BCKDHB: variants seen among roughly 807,000 people sequenced by gnomAD.
The protein encoded by BCKDHB is branched chain keto acid dehydrogenase E1 subunit beta.
In BCKDHB, 41 loss-of-function variants were observed where a neutral mutation model predicts 48.5. The ratio of observed to expected loss-of-function variants is 0.85; its 90% CI spans 0.66 to 1.10. The LOEUF (loss-of-function observed/expected upper bound fraction) is 1.10. Among genes scored for constraint, BCKDHB ranks in the 50% least tolerant of loss-of-function variants. The pLI, the probability that BCKDHB is intolerant of heterozygous loss-of-function variation, is 0.00. For missense variants in BCKDHB, 496 were observed against 494.2 expected (o/e 1.00, Z -0.03); for synonymous variants, 201 against 174.8 (o/e 1.15, Z -1.18).
chr6:80,443,240 C>T, the BCKDHB span: 3 of 152,106 alleles, frequency 2.0e-5, no homozygotes, highest in Non-Finnish European at 4.4e-5. Context: ...TACTCTCTTT[C>T]TATTAATATA....
intron 9 of BCKDHB, among the ~76,000 whole-genome samples, chr6:80,276,631 G>A (rs540311757): frequency 2.0e-5 from 3 of 151,574 alleles, no homozygotes; most frequent in South Asian, 2.1e-4. Context: ...CTCTTTCATC[G>A]TGCAAGGAAT....
intron 9 of BCKDHB, among the ~76,000 whole-genome samples, chr6:80,294,765 C>G (rs1767134841): frequency 6.6e-6 from 1 of 152,076 alleles, no homozygotes; most frequent in Non-Finnish European, 1.5e-5. Context: ...GCTCTCAAAC[C>G]CTGTTTTCTG....
intron 8 of BCKDHB, among the ~76,000 whole-genome samples, chr6:80,210,684 T>G (rs1404966065): frequency 6.6e-6 from 1 of 152,128 alleles, no homozygotes; most frequent in African/African-American, 2.4e-5. Context: ...AGAGAGAGCC[T>G]TGGTGTCCTT....
intron 8 of BCKDHB, among the ~76,000 whole-genome samples, chr6:80,206,933 T>C (rs1189172326): frequency 6.6e-6 from 1 of 152,082 alleles, no homozygotes; most frequent in Non-Finnish European, 1.5e-5. Flanking sequence ...GTATGCACAA[T>C]GGCATAACAT....
the BCKDHB span, among the ~76,000 whole-genome samples, chr6:80,399,267 A>G: frequency 8.0e-6 from 1 of 125,324 alleles, no homozygotes; most frequent in Admixed American, 7.1e-5. Flanking sequence ...ATCAGGCAAG[A>G]GAAAGAAAGA....
chr6:80,106,773 C>T lies in BCKDHB; in HGVS notation c.80C>T (p.Pro27Leu), dbSNP rs1477085925. The T allele has an allele frequency of 2.5e-6, 4 of 1,589,822 alleles. No homozygotes were observed. Among genetic ancestry groups the T allele is most frequent in the South Asian group, 1.1e-5 (1 of 88,000 alleles). The change falls in exon 1 of 10, where the codon CCT becomes CTT. Residue 27 changes from proline (P) to leucine (L), a missense_variant. By Grantham distance (98) the Pro-to-Leu change is moderately conservative. Coordinates refer to ENST00000320393, the MANE Select transcript of BCKDHB (RefSeq NM_183050.4). ...AGAEGHWRRL[P>L]GAGLARGFLH... ...GCTGAGGGGCACTGGCGTCGGCTTC[C>T]TGGCGCGGGGCTGGCGCGGGGCTTT...
chr6:80,126,566 C>T (rs530675352), intron 1 of BCKDHB, among the ~76,000 whole-genome samples: 1 of 152,218 alleles, frequency 6.6e-6, no homozygotes, highest in South Asian at 2.1e-4. Context: ...TTGTTATCAG[C>T]ATGCTGTGGG....
At chr6:80,452,115 G>A in the BCKDHB span, among the ~76,000 whole-genome samples, 1 of 152,192 alleles carries the variant, frequency 6.6e-6, no homozygotes, top group Non-Finnish European at 1.5e-5. Flanking sequence ...CAGTCTGGTG[G>A]CAGAGGGGAG....
At chr6:80,412,459 T>C in the BCKDHB span, among the ~76,000 whole-genome samples, 1 of 152,150 alleles carries the variant, frequency 6.6e-6, no homozygotes, top group African/African-American at 2.4e-5. Context: ...TAGTTTATAT[T>C]TTTTACACTA....
the BCKDHB span, among the ~76,000 whole-genome samples, chr6:80,445,740 C>G: frequency 6.6e-6 from 1 of 152,030 alleles, no homozygotes; most frequent in African/African-American, 2.4e-5. Flanking sequence ...TTAGAGATGT[C>G]GAGAGGAGGT....
chr6:80,130,770 G>T (rs1770587505), intron 3 of BCKDHB, among the ~76,000 whole-genome samples: 1 of 152,086 alleles, frequency 6.6e-6, no homozygotes, highest in Non-Finnish European at 1.5e-5. Context: ...ACACGTCTTG[G>T]TATATATACT....
intron 8 of BCKDHB, among the ~76,000 whole-genome samples, chr6:80,212,549 A>G (rs1004153102): frequency 6.6e-6 from 1 of 152,094 alleles, no homozygotes; most frequent in Non-Finnish European, 1.5e-5. Context: ...ATATTGTTCA[A>G]ACACACATGT....
Position 80,306,049 on chromosome 6 carries a change from C to G in BCKDHB, c.1038+32828C>G, listed in dbSNP as rs149840717. Among the ~76,000 whole-genome samples, 4 of 152,264 alleles carry G rather than the reference C, an allele frequency of 2.6e-5. No individual in the cohort carries two copies. In the East Asian group the frequency reaches 7.7e-4, roughly 29 times the overall value. On this transcript the variant is annotated intron_variant, in intron 9 of 9. Transcript: ENST00000320393. ...AAATAGCAGTACTTCTTCCATATGG[C>G]TATCGTGAAGATTAAGTGAATTAAT...
chr6:80,275,429 C>T (rs1298824845), intron 9 of BCKDHB, among the ~76,000 whole-genome samples: 1 of 151,932 alleles, frequency 6.6e-6, no homozygotes, highest in Non-Finnish European at 1.5e-5. Context: ...TGACTTGAGA[C>T]AATAGTGTAA....
At chr6:80,197,372 AG>A (rs897760267) in intron 6 of BCKDHB, among the ~76,000 whole-genome samples, 17 of 150,570 alleles carry the variant, frequency 1.1e-4, no homozygotes, top group Admixed American at 9.2e-4. Flanking sequence ...ATCTAAGAGG[AG>A]GTTTTTTTTT....
rs1167006109 is a variant in BCKDHB at position 80,322,275 on chromosome 6, G to T, written c.1039-21389G>T. ...TTTTTTGGTGACGGAGTCGCACTTT[G>T]TTGCCCAGGCTGGAGTGCAATGGCA... On this transcript the variant is annotated intron_variant, in intron 9 of 9. Transcript: ENST00000320393. 3.8e-4 allele frequency among the ~76,000 whole-genome samples: 38 copies of T among 100,034 alleles called. 2 individuals carry two copies. Among genetic ancestry groups the T allele is most frequent in the Non-Finnish European group, 7.6e-5 (4 of 52,528 alleles). 65.6% of individuals were successfully genotyped at this position (100,034 alleles called of 152,430 possible). A position where few individuals can be genotyped will look rare whatever the true frequency, so the allele number is the denominator to read the frequency against.
intron 9 of BCKDHB, among the ~76,000 whole-genome samples, chr6:80,287,133 A>C (rs1377460715): frequency 1.3e-5 from 2 of 152,148 alleles, no homozygotes. Context: ...CAAGTTCCTA[A>C]ATTCTTATTT....
chr6:80,342,083 A>G (rs988041402), intron 9 of BCKDHB, among the ~76,000 whole-genome samples: 2 of 152,186 alleles, frequency 1.3e-5, no homozygotes, highest in Non-Finnish European at 2.9e-5. Context: ...GGAGGTCTGT[A>G]AATGTCCAGT....
intron 3 of BCKDHB, among the ~76,000 whole-genome samples, chr6:80,147,566 T>C (rs951375657): frequency 1.3e-5 from 2 of 152,140 alleles, no homozygotes; most frequent in Non-Finnish European, 2.9e-5. Context: ...AAAACATAAC[T>C]GTGGTCACAG....
Sources: allele counts gnomAD v4.1 joint callset (sites outside exome capture counted in the v4.1 genomes callset), GRCh38; gene constraint gnomAD v4.1.1; transcripts MANE v1.5; gene names NCBI Gene and HGNC (gene_info 2026-07-23, HGNC 2026-07-21).